Variants in ZNF385D observed in about 807,000 individuals in gnomAD.
The protein encoded by ZNF385D is zinc finger protein 385D.
In ZNF385D, 15 loss-of-function variants were observed where a neutral mutation model predicts 35.8. That is an observed-to-expected ratio of 0.42 (90% CI 0.28 to 0.64). The LOEUF is 0.64. Among genes scored for constraint, ZNF385D ranks in the 30% least tolerant of loss-of-function variants. The pLI is 0.23. For missense variants in ZNF385D, 474 were observed against 494.6 expected (o/e 0.96, Z 0.39); for synonymous variants, 212 against 186.8 (o/e 1.13, Z -1.10).
rs201279856 is a variant in ZNF385D, at chr3:22,221,811, GGTTAA to G, written c.107-52781_107-52777del. On this transcript the variant is annotated intron_variant, in intron 2 of 5. Transcript: ENST00000494108. ...ACTAAATTTAAATTTATCTTTGTGTGGTTAAGTTTTGTCTCCTTTATTCATCAAAA... is the reference window on the plus strand; with the variant it reads ...ACTAAATTTAAATTTATCTTTGTGTGGTTTTGTCTCCTTTATTCATCAAAA... Among the ~76,000 whole-genome samples, 1,205 of 152,096 alleles carry G rather than the reference GGTTAA, an allele frequency of 7.9e-3. 17 individuals are homozygous for G. The highest frequency in any genetic ancestry group is 0.026 in the African/African-American group (1,084 of 41,508).
chr3:22,342,276 CAAAAAAAAAAAA>C (rs766689054), intron 2 of ZNF385D, among the ~76,000 whole-genome samples: 776 of 53,588 alleles, frequency 0.014, 18 homozygotes, highest in African/African-American at 0.04. Context: ...GACTCCGCCT[CAAAAAAAAAAAA>C]AAAAAAAAAA....
At chr3:21,980,445 A>G (rs1351034779) in intron 3 of ZNF385D, among the ~76,000 whole-genome samples, 1 of 152,198 alleles carries the variant, frequency 6.6e-6, no homozygotes, top group African/African-American at 2.4e-5. Flanking sequence ...GATAATGAGT[A>G]ATAGTAGCAT....
At chr3:21,894,089 C>A (rs1699013104) in intron 3 of ZNF385D, among the ~76,000 whole-genome samples, 2 of 152,228 alleles carry the variant, frequency 1.3e-5, no homozygotes, top group East Asian at 3.9e-4. Flanking sequence ...TTCCTTAAAA[C>A]CTCTTAAATT....
intron 3 of ZNF385D, among the ~76,000 whole-genome samples, chr3:22,004,738 G>C (rs187688935): frequency 2.7e-4 from 41 of 152,242 alleles, no homozygotes; most frequent in Admixed American, 1.8e-3. Flanking sequence ...CCTTTGGAAA[G>C]GCTTATCAGA....
At chr3:22,012,136 A>C (rs1328818619) in intron 3 of ZNF385D, among the ~76,000 whole-genome samples, 3 of 152,142 alleles carry the variant, frequency 2.0e-5, no homozygotes, top group Non-Finnish European at 4.4e-5. Flanking sequence ...ATTAGTAATT[A>C]GAGTTTTCAC....
chr3:21,990,310 A>C (rs192630232), intron 3 of ZNF385D, among the ~76,000 whole-genome samples: 20 of 152,330 alleles, frequency 1.3e-4, no homozygotes, highest in Admixed American at 9.8e-4. Context: ...GCCTTGGTCA[A>C]CATCAGTAGT....
chr3:22,150,840 G>A (rs1236666571), intron 3 of ZNF385D, among the ~76,000 whole-genome samples: 1 of 151,996 alleles, frequency 6.6e-6, no homozygotes, highest in Non-Finnish European at 1.5e-5. Context: ...TGTGTAGAGT[G>A]CATATAAGGG....
chr3:22,174,325 G>A (rs1271449193), intron 2 of ZNF385D, among the ~76,000 whole-genome samples: 5 of 152,020 alleles, frequency 3.3e-5, no homozygotes, highest in Non-Finnish European at 7.4e-5. Context: ...TTGTCAAAGT[G>A]GCAAACCTCT....
rs746789731 is a variant in ZNF385D, at chr3:21,425,518, C to T, written c.826G>A (p.Val276Ile). The stretch of plus-strand genomic sequence containing the variant: ...TGTTTAAGTTGCGTTTCCGAGTTGA[C>T]GTGCACATCACAGATTTCACAGTGA... ...TFHCEICDVH[V>I]NSETQLKQHI... is the part of the protein sequence containing the mutation. The change falls in exon 6 of 8, where the codon GTC becomes ATC. Residue 276 changes from valine to isoleucine, a missense_variant. Physicochemically the swap from Val to Ile is conservative, Grantham distance 29. Transcript: ENST00000281523. 1.0e-5 allele frequency: 16 copies of T among 1,606,054 alleles called. No homozygotes were observed. Among genetic ancestry groups the T allele is most frequent in the South Asian group, 3.4e-5 (3 of 89,534 alleles).
chr3:22,122,749 C>T (rs537677016), intron 3 of ZNF385D, among the ~76,000 whole-genome samples: 3 of 152,104 alleles, frequency 2.0e-5, no homozygotes, highest in Non-Finnish European at 2.9e-5. Context: ...CGGTGACATT[C>T]GAGTCACATG....
chr3:21,760,682 A>C (rs75435970), intron 3 of ZNF385D, among the ~76,000 whole-genome samples: 11,944 of 152,266 alleles, frequency 0.078, 637 homozygotes, highest in South Asian at 0.15. Context: ...TTAGTGCACT[A>C]TCAAGAGCAG....
intron 3 of ZNF385D, among the ~76,000 whole-genome samples, chr3:21,924,594 A>G (rs144739291): frequency 1.3e-5 from 2 of 152,230 alleles, no homozygotes; most frequent in East Asian, 1.9e-4. Context: ...ATTACAAGCA[A>G]TCCTTGTCTC....
At chr3:21,958,650 A>T (rs1053008005) in intron 3 of ZNF385D, among the ~76,000 whole-genome samples, 10 of 152,278 alleles carry the variant, frequency 6.6e-5, no homozygotes, top group Admixed American at 5.2e-4. Flanking sequence ...ACTAGATTCT[A>T]TCGCCAAATT....
chr3:22,349,543 G>A (rs1421915934), intron 2 of ZNF385D, among the ~76,000 whole-genome samples: 1 of 152,104 alleles, frequency 6.6e-6, no homozygotes, highest in Admixed American at 6.6e-5. Flanking sequence ...AAATAAACAA[G>A]ATAATGCAAT....
At chr3:21,441,837 T>G in intron 4 of ZNF385D, 3 of 535,122 alleles carry the variant, frequency 5.6e-6, no homozygotes, top group Non-Finnish European at 7.2e-6. Context: ...CCAAAGACTC[T>G]GGGACAATAT....
chr3:22,079,100 T>G lies in ZNF385D; in HGVS notation c.325+89717A>C, dbSNP rs575443025. 7.9e-5 allele frequency among the ~76,000 whole-genome samples: 12 copies of G among 152,034 alleles called. 1 individual carries two copies. In the South Asian group the frequency reaches 8.3e-4, roughly 11 times the overall value. ...CAAAAAATGTGAACAGAAGTGTGGA[T>G]TAAATAGGAATAAACAGAATGAGTA... is the stretch of plus-strand genomic sequence containing the variant. On this transcript the variant is annotated intron_variant, in intron 3 of 5. Transcript: ENST00000494108.
At chr3:21,582,135 A>G (rs938151655) in intron 2 of ZNF385D, among the ~76,000 whole-genome samples, 5 of 152,184 alleles carry the variant, frequency 3.3e-5, no homozygotes, top group Admixed American at 6.5e-5. Context: ...TTATAGCTGT[A>G]AGATTGACAT....
intron 3 of ZNF385D, among the ~76,000 whole-genome samples, chr3:21,964,412 T>TAAAA (rs60635259): frequency 0.013 from 947 of 71,362 alleles, 40 homozygotes; most frequent in Non-Finnish European, 0.018. Flanking sequence ...GTCCTTTTTG[T>TAAAA]AAAAAAAAAA....
At chr3:22,262,217 T>C (rs1700669061) in intron 2 of ZNF385D, among the ~76,000 whole-genome samples, 1 of 151,920 alleles carries the variant, frequency 6.6e-6, no homozygotes. Context: ...ATGAGGTATT[T>C]TGAGGAAGGA....
Sources: allele counts gnomAD v4.1 joint callset (sites outside exome capture counted in the v4.1 genomes callset), GRCh38; gene constraint gnomAD v4.1.1; transcripts MANE v1.5; gene names NCBI Gene and HGNC (gene_info 2026-07-23, HGNC 2026-07-21).